Variants in LRRC49 observed in about 807,000 individuals in gnomAD.
LRRC49 encodes leucine-rich repeat-containing protein 49.
Under a neutral mutation model 83.3 loss-of-function variants are expected in LRRC49, and 50 were observed. The observed-to-expected ratio is 0.60, with a 90% CI of 0.48 to 0.76. The LOEUF (loss-of-function observed/expected upper bound fraction) is 0.76, where lower values mean the gene tolerates loss of function less well. LRRC49 is among the 30% of genes least tolerant of loss of function. The probability of loss-of-function intolerance (pLI) is 0.00; values close to 1 mark genes in which losing one functional copy is unlikely to be tolerated. For missense variants in LRRC49, 704 were observed against 809.1 expected (o/e 0.87, Z 1.58); for synonymous variants, 286 against 283.3 (o/e 1.01, Z -0.10).
At chr15:70,979,684 C>G (rs898545010) in intron 9 of LRRC49, among the ~76,000 whole-genome samples, 1 of 151,834 alleles carries the variant, frequency 6.6e-6, no homozygotes, top group African/African-American at 2.4e-5. Flanking sequence ...GTTTTTTCAT[C>G]AAAAAGTTCT....
At chr15:70,860,200 GGCTGCCCCAGGGCCCTGGAGGAGGCC>G in intron 1 of LRRC49, 1 of 629,188 alleles carries the variant, frequency 1.6e-6, no homozygotes, top group Non-Finnish European at 2.8e-6. Flanking sequence ...CCCCTCCTGC[GGCTGCCCCAGGGCCCTGGAGGAGGCC>G]GCTGTGCATG....
Position 70,919,158 on chromosome 15 carries a change from G to C in LRRC49, c.676G>C (p.Glu226Gln). 6.2e-7 allele frequency: 1 copy of C among 1,612,804 alleles called. No homozygotes were observed. Among genetic ancestry groups the C allele is most frequent in the Non-Finnish European group, 8.5e-7 (1 of 1,179,576 alleles). The change falls in exon 7 of 16, where the codon GAA (glutamate) becomes CAA (glutamine). Residue 226 changes from glutamate to glutamine, a missense_variant. Glu to Gln is a conservative substitution (Grantham distance 29). This residue lies in a region of LRRC49 where 261 missense variants were observed against 330.5 expected (regional missense o/e 0.79). Coordinates refer to ENST00000260382, the MANE Select transcript of LRRC49 (RefSeq NM_017691.5). ...DNLNGLDSLT[E>Q]LNLRHNQITF... ...TCTTAATGGGCTGGATTCACTAACT[G>C]AACTTAACTTGCGACACAATCAAAT...
At chr15:70,893,043 T>A in intron 1 of LRRC49, 101 bp downstream of exon 1, 1 of 1,327,616 alleles carries the variant, frequency 7.5e-7, no homozygotes, top group Non-Finnish European at 1.1e-6. Flanking sequence ...CCGGCACCGC[T>A]GGGTCTACTC....
chr15:70,862,249 T>C (rs1031092785), intron 1 of LRRC49, among the ~76,000 whole-genome samples: 1 of 152,072 alleles, frequency 6.6e-6, no homozygotes. Flanking sequence ...TTAAGTTGCA[T>C]GTTAGAATCT....
chr15:70,961,286 G>A (rs2141194749), intron 8 of LRRC49, among the ~76,000 whole-genome samples: 1 of 152,280 alleles, frequency 6.6e-6, no homozygotes, highest in South Asian at 2.1e-4. Flanking sequence ...TGAGGATGGT[G>A]AGCTGTTAAG....
intron 2 of LRRC49, among the ~76,000 whole-genome samples, chr15:70,894,042 A>G (rs2033715052): frequency 6.6e-6 from 1 of 152,050 alleles, no homozygotes; most frequent in Non-Finnish European, 1.5e-5. Flanking sequence ...CCACAGGTGC[A>G]TGCCACCACG....
chr15:70,909,890 AAAAG>A (rs2034482571), intron 5 of LRRC49, among the ~76,000 whole-genome samples: 1 of 150,190 alleles, frequency 6.7e-6, no homozygotes, highest in African/African-American at 2.5e-5. Flanking sequence ...AACAAACAAA[AAAAG>A]AAAGTTGTAG....
intron 8 of LRRC49, among the ~76,000 whole-genome samples, chr15:70,959,392 G>A (rs1449557695): frequency 1.3e-5 from 2 of 152,038 alleles, no homozygotes; most frequent in Admixed American, 6.6e-5. Flanking sequence ...TCGGGAGGCC[G>A]AGGCAGGAAA....
In LRRC49 at chr15:70,895,931, G is replaced by T; in HGVS notation, c.188G>T (p.Arg63Met). Residue 63 changes from arginine to methionine, a missense_variant, in exon 3 of 16, where the codon AGG (arginine) becomes ATG (methionine). Physicochemically the swap from Arg to Met is moderately conservative, Grantham distance 91 (BLOSUM62 -1). Coordinates refer to ENST00000260382, the MANE Select transcript of LRRC49 (RefSeq NM_017691.5). Reference sequence around the variant, plus strand: ...GACCTTGAAAGAAACTACTCAAGTAGGCAAGGTATTGTCAGTGAATAGAGA... The same window carrying T: ...GACCTTGAAAGAAACTACTCAAGTATGCAAGGTATTGTCAGTGAATAGAGA... ...QHDLERNYSSRQGDHINLVSS... is the reference protein window; with the variant it reads ...QHDLERNYSSMQGDHINLVSS... 6.3e-7 allele frequency: 1 copy of T among 1,591,104 alleles called. No homozygotes were observed. Among genetic ancestry groups the T allele is most frequent in the South Asian group, 1.1e-5 (1 of 89,768 alleles).
At chr15:71,023,413 G>C (rs960444023) in intron 14 of LRRC49, among the ~76,000 whole-genome samples, 2 of 152,142 alleles carry the variant, frequency 1.3e-5, no homozygotes, top group Non-Finnish European at 2.9e-5. Flanking sequence ...ATGGAAATAG[G>C]GGCCAAGATG....
chr15:70,927,440 C>G (rs1372418396), intron 7 of LRRC49, among the ~76,000 whole-genome samples: 2 of 151,974 alleles, frequency 1.3e-5, no homozygotes, highest in East Asian at 3.9e-4. Context: ...TTTTTACTCT[C>G]TTAACAGTGT....
At position 70,936,818 on chromosome 15, in the gene LRRC49, T is replaced by C; in HGVS notation, c.769T>C (p.Ser257Pro). 6.2e-7 allele frequency: 1 copy of C among 1,603,620 alleles called. No individual in the cohort carries two copies. The highest frequency in any genetic ancestry group is 8.5e-7 in the Non-Finnish European group (1 of 1,170,954). ...TCTCTTTCTCAGCTTTAACAATATA[T>C]CTAGGTAAGTGGAAACTCCCAAGTT... ...QHLFLSFNNI[S>P]SFDSVSCLAD... The change falls in exon 8 of 16, where the codon TCT becomes CCT. Residue 257 changes from serine to proline, a missense_variant. By Grantham distance (74) the Ser-to-Pro change is moderately conservative. Transcript: ENST00000260382.
At chr15:71,036,463 A>G (rs566680985) in intron 14 of LRRC49, among the ~76,000 whole-genome samples, 67 of 152,258 alleles carry the variant, frequency 4.4e-4, no homozygotes, top group Non-Finnish European at 8.1e-4. Context: ...TCTGCCCTCA[A>G]TCTTCAGTAC....
chr15:71,037,980 T>C (rs962679409), intron 15 of LRRC49, among the ~76,000 whole-genome samples: 2 of 152,040 alleles, frequency 1.3e-5, no homozygotes, highest in Non-Finnish European at 2.9e-5. Flanking sequence ...ATGGAGCTCA[T>C]AGGAAAGCTG....
intron 11 of LRRC49, among the ~76,000 whole-genome samples, chr15:70,986,268 A>G (rs1040113651): frequency 7.4e-4 from 113 of 152,304 alleles, no homozygotes; most frequent in African/African-American, 2.6e-3. Flanking sequence ...ACCCATGAGC[A>G]TGGAATGTTC....
chr15:70,855,060 G>C (rs1176996529), intron 1 of LRRC49, among the ~76,000 whole-genome samples: 1 of 152,116 alleles, frequency 6.6e-6, no homozygotes, highest in African/African-American at 2.4e-5. Context: ...CCGGCCGGGC[G>C]CAGTGGCTCA....
At chr15:71,046,030 T>C (rs1212597677) in intron 15 of LRRC49, among the ~76,000 whole-genome samples, 4 of 152,218 alleles carry the variant, frequency 2.6e-5, no homozygotes, top group African/African-American at 9.6e-5. Context: ...GATTTCACTC[T>C]TTGTTATGGC....
rs935594754 is a variant in LRRC49 at position 70,882,749 on chromosome 15, G to A, written c.18+9526G>A. 3.7e-6 allele frequency: 6 copies of A among 1,613,904 alleles called. No homozygotes were observed. The African/African-American group carries it at 8.0e-5, about 22-fold the overall frequency. Reference sequence around the variant, plus strand: ...ATTCAATTGCTTAATCCATTGAAGAGTCAAAACATACCCACACTACGGTGA... The same window carrying A: ...ATTCAATTGCTTAATCCATTGAAGAATCAAAACATACCCACACTACGGTGA... On this transcript the variant is annotated intron_variant, in intron 2 of 16. Transcript: ENST00000544974.
At chr15:70,993,656 A>AG (rs776055887) in intron 11 of LRRC49, among the ~76,000 whole-genome samples, 92 of 152,234 alleles carry the variant, frequency 6.0e-4, no homozygotes, top group Non-Finnish European at 9.3e-4. Flanking sequence ...GGTTAGAACT[A>AG]TAATACTTTA....
Sources: allele counts gnomAD v4.1 joint callset (sites outside exome capture counted in the v4.1 genomes callset), GRCh38; gene constraint gnomAD v4.1.1; regional missense constraint gnomAD v4.1.1; transcripts MANE v1.5; gene names NCBI Gene and HGNC (gene_info 2026-07-23, HGNC 2026-07-21).